UACA: variants seen among roughly 807,000 people sequenced by gnomAD.
UACA encodes nuclear membrane binding protein.
UACA carries 112 observed loss-of-function variants against 160.5 expected under a neutral mutation model. The observed-to-expected ratio is 0.70, with a 90% CI of 0.60 to 0.82. UACA has a LOEUF of 0.82. Ranked by LOEUF, UACA falls within the 40% of genes least tolerant of loss-of-function variation. UACA has a pLI of 0.00. For missense variants in UACA, 1,574 were observed against 1,614.6 expected, an observed-to-expected ratio of 0.97 and a Z score of 0.43; for synonymous variants, 557 against 568.4, an observed-to-expected ratio of 0.98 and a Z score of 0.29.
At chr15:70,777,522 A>G in the UACA span, among the ~76,000 whole-genome samples, 1 of 152,164 alleles carries the variant, frequency 6.6e-6, no homozygotes. Context: ...AAGAGAAGGA[A>G]AAGTGCCATA....
chr15:70,718,681 G>A (rs1898899667), intron 1 of UACA, among the ~76,000 whole-genome samples: 1 of 152,092 alleles, frequency 6.6e-6, no homozygotes, highest in Non-Finnish European at 1.5e-5. Flanking sequence ...TTGTTATCTT[G>A]AGAAGCCACT....
intron 18 of UACA, 61 bp from the exon 19 acceptor site, chr15:70,657,188 T>G: frequency 7.3e-7 from 1 of 1,367,952 alleles, no homozygotes; most frequent in Non-Finnish European, 1.0e-6. Flanking sequence ...ATAAGAATTC[T>G]AAAGATAAAG....
chr15:70,714,570 C>T (rs10518921), intron 1 of UACA, among the ~76,000 whole-genome samples: 27,866 of 151,930 alleles, frequency 0.18, 3,946 homozygotes, highest in African/African-American at 0.4. Flanking sequence ...CTCACTTTAC[C>T]GGATTCTTCT....
At position 70,763,363 on chromosome 15, in the gene UACA, G is replaced by A. The variant is rs2030897442; in HGVS notation, c.45C>T (p.Gly15=). 8 of 1,335,804 alleles carry A rather than the reference G, an allele frequency of 6.0e-6. 1 individual carries two copies. Among genetic ancestry groups the A allele is most frequent in the Middle Eastern group, 2.6e-4 (1 of 3,818 alleles). 82.7% of individuals were successfully genotyped at this position (1,335,804 alleles called of 1,614,324 possible). A position where few individuals can be genotyped will look rare whatever the true frequency, so the allele number is the denominator to read the frequency against. ...KSRLRRQDVP[G]PASSGAAAAS... ...CGGCGGCGGCGCCAGACGACGCGGGGCCGGGCACGTCCTGCCTCCTCAGGC... is the reference window on the plus strand; with the variant it reads ...CGGCGGCGGCGCCAGACGACGCGGGACCGGGCACGTCCTGCCTCCTCAGGC... Residue 15 remains glycine, a synonymous_variant, in exon 1 of 19, where the codon GGC becomes GGT. Transcript: ENST00000322954.
At chr15:70,693,027 A>G (rs1042598562) in intron 3 of UACA, among the ~76,000 whole-genome samples, 18 of 152,328 alleles carry the variant, frequency 1.2e-4, no homozygotes, top group African/African-American at 4.1e-4. Context: ...AGATGTGATC[A>G]TTTCAAATTT....
At chr15:70,756,689 A>G (rs2030449205) in intron 1 of UACA, among the ~76,000 whole-genome samples, 1 of 152,096 alleles carries the variant, frequency 6.6e-6, no homozygotes. Flanking sequence ...CCTGGCCAAC[A>G]TGGCAAAACC....
In UACA at chr15:70,667,142, C is replaced by T; in HGVS notation, c.3542G>A (p.Gly1181Glu). Residue 1181 changes from glycine (G) to glutamate (E), a missense_variant, in exon 16 of 19, where the codon GGA (glycine) becomes GAA (glutamate). Physicochemically the swap from Gly to Glu is moderately conservative, Grantham distance 98. Coordinates refer to ENST00000322954, the MANE Select transcript of UACA (RefSeq NM_018003.4). The part of the protein sequence containing the change: ...QIKEAFEKEV[G>E]IIKASLREKE... ...TTCTCTCAAGCTGGCTTTTATGATT[C>T]CAACTTCTTTCTCAAATGCTTCTTT... The T allele has an allele frequency of 6.2e-7, 1 of 1,613,556 alleles. No individual in the cohort carries two copies. The highest frequency in any genetic ancestry group is 1.7e-5 in the Admixed American group (1 of 59,950).
upstream of UACA, among the ~76,000 whole-genome samples, chr15:70,767,042 A>G (rs1293958153): frequency 6.6e-6 from 1 of 151,768 alleles, no homozygotes; most frequent in East Asian, 1.9e-4. Flanking sequence ...AGATCGAGAC[A>G]ATCCTGGCTA....
intron 5 of UACA, among the ~76,000 whole-genome samples, chr15:70,689,287 C>T (rs796077072): frequency 2.0e-5 from 3 of 152,186 alleles, no homozygotes; most frequent in African/African-American, 7.2e-5. Context: ...TAATAAGCAG[C>T]TGATATTGGA....
At chr15:70,683,994 A>G (rs1897613466) in intron 8 of UACA, among the ~76,000 whole-genome samples, 1 of 152,112 alleles carries the variant, frequency 6.6e-6, no homozygotes, top group Admixed American at 6.6e-5. Flanking sequence ...AAACTTAGTA[A>G]AACACTTGAC....
chr15:70,724,427 TATA>T (rs1229338974), intron 1 of UACA, among the ~76,000 whole-genome samples: 3 of 152,178 alleles, frequency 2.0e-5, no homozygotes, highest in South Asian at 2.1e-4. Context: ...AACCTAAATA[TATA>T]ATGATAGTCC....
At chr15:70,772,295 C>T in the UACA span, among the ~76,000 whole-genome samples, 1 of 151,674 alleles carries the variant, frequency 6.6e-6, no homozygotes, top group Admixed American at 6.6e-5. Flanking sequence ...AGATCGAGAC[C>T]ATCCTGGCTA....
chr15:70,696,795 A>G (rs1898143722), intron 2 of UACA, among the ~76,000 whole-genome samples: 1 of 152,202 alleles, frequency 6.6e-6, no homozygotes, highest in Non-Finnish European at 1.5e-5. Flanking sequence ...CAACAATCTT[A>G]GAGATATCAT....
intron 1 of UACA, among the ~76,000 whole-genome samples, chr15:70,762,434 T>G (rs886991858): frequency 1.8e-4 from 28 of 152,270 alleles, no homozygotes; most frequent in African/African-American, 5.8e-4. Context: ...TAAGTGGCAC[T>G]TATTTTAATG....
chr15:70,687,464 A>C, intron 7 of UACA, 76 bp downstream of exon 7: 4 of 1,377,642 alleles, frequency 2.9e-6, no homozygotes, highest in Non-Finnish European at 4.1e-6. Flanking sequence ...GTCAGAGAAC[A>C]GAGCTGCTGC....
intron 1 of UACA, chr15:70,749,237 G>T: frequency 2.2e-6 from 1 of 445,998 alleles, no homozygotes; most frequent in East Asian, 7.2e-5. Flanking sequence ...AAAAGTTGGA[G>T]AAAACAGGGC....
chr15:70,742,557 T>C (rs1405270719), intron 1 of UACA, among the ~76,000 whole-genome samples: 4 of 152,200 alleles, frequency 2.6e-5, no homozygotes, highest in African/African-American at 9.6e-5. Context: ...CTTAGTTTTA[T>C]ATAAATATGT....
At position 70,667,056 on chromosome 15, in the gene UACA, T is replaced by G; in HGVS notation, c.3628A>C (p.Asn1210His). Residue 1210 changes from asparagine (N) to histidine (H), a missense_variant, in exon 16 of 19, where the codon AAT becomes CAT. Coordinates refer to ENST00000322954, the MANE Select transcript of UACA (RefSeq NM_018003.4). ...EVSKLQSEVQ[N>H]TKQALKKLET... ...AATTTTTTTAATGCTTGTTTAGTAT[T>G]CTGAACCTCCGACTGAAGTTTGGAG... is the stretch of plus-strand genomic sequence containing the variant. 1 of 1,613,644 alleles carries G rather than the reference T, an allele frequency of 6.2e-7. No homozygotes were observed. Among genetic ancestry groups the G allele is most frequent in the Non-Finnish European group, 8.5e-7 (1 of 1,179,948 alleles).
intron 1 of UACA, among the ~76,000 whole-genome samples, chr15:70,746,957 G>A (rs1899724799): frequency 6.6e-6 from 1 of 151,978 alleles, no homozygotes; most frequent in African/African-American, 2.4e-5. Flanking sequence ...CACAGGGAGG[G>A]GAACATCATA....
Sources: allele counts gnomAD v4.1 joint callset (sites outside exome capture counted in the v4.1 genomes callset), GRCh38; gene constraint gnomAD v4.1.1; transcripts MANE v1.5; gene names NCBI Gene and HGNC (gene_info 2026-07-23, HGNC 2026-07-21).